RAB44: variants seen among roughly 807,000 people sequenced by gnomAD.
RAB44 encodes RAB44, member RAS oncogene family, also known as ras-related protein Rab-44.
In RAB44, 67 loss-of-function variants were observed where a neutral mutation model predicts 93.3. The ratio of observed to expected loss-of-function variants is 0.72; its 90% confidence interval spans 0.59 to 0.88. RAB44 has a LOEUF of 0.88. Among genes scored for constraint, RAB44 ranks in the 40% least tolerant of loss-of-function variants. The pLI, the probability that RAB44 is intolerant of heterozygous loss-of-function variation, is 0.00. For synonymous variants in RAB44, 427 were observed against 520.3 expected, an observed-to-expected ratio of 0.82 and a Z score of 2.44; for missense variants, 1,064 against 1,261.7, an observed-to-expected ratio of 0.84 and a Z score of 2.37.
chr6:36,704,886 G>A (rs150678565), intron 2 of RAB44, among the ~76,000 whole-genome samples: 2,484 of 152,206 alleles, frequency 0.016, 88 homozygotes, highest in African/African-American at 0.055. Flanking sequence ...TTGGGAGGCC[G>A]AGGCGGGCGG....
chr6:36,722,258 G>T lies in RAB44; in HGVS notation c.2124G>T (p.Ser708=). Residue 708 remains serine, a synonymous_variant, in exon 9 of 14, where the codon TCG becomes TCT. Transcript: ENST00000612677. ...VEAHGLETAH[S]ELPQQDSLLV... Reference sequence around the variant, plus strand: ...CTCACGGCCTAGAAACTGCGCATTCGGAACTCCCCCAGCAAGACTCTCTGC... The same window carrying T: ...CTCACGGCCTAGAAACTGCGCATTCTGAACTCCCCCAGCAAGACTCTCTGC... The T allele has an allele frequency of 1.6e-6, 2 of 1,272,432 alleles. No individual in the cohort carries two copies. The highest frequency in any genetic ancestry group is 3.3e-5 in the South Asian group (1 of 29,872). The allele number at this position is 1,272,432 out of a possible 1,614,324, so 78.8% of individuals were successfully genotyped here.
At chr6:36,714,438 A>G (rs1429259216) in intron 3 of RAB44, among the ~76,000 whole-genome samples, 1 of 152,176 alleles carries the variant, frequency 6.6e-6, no homozygotes. Context: ...AGCCCAGGCA[A>G]TGGAAGGTGT....
In RAB44 at chr6:36,717,534, G is replaced by A; in HGVS notation, c.641+115G>A. 1 of 1,134,400 alleles carries A rather than the reference G, an allele frequency of 8.8e-7. No homozygotes were observed. The highest frequency in any genetic ancestry group is 1.1e-6 in the Non-Finnish European group (1 of 900,188). 70.3% of individuals were successfully genotyped at this position (1,134,400 alleles called of 1,614,324 possible). On this transcript the variant is annotated intron_variant, in intron 5 of 13. Transcript: ENST00000612677. This position sits in a 1 kb window ranked among gnomAD's most constrained non-coding sequence, Gnocchi z 4.1. ...GCAGCTGGGCCTGTGAGCTGGATAG[G>A]GCAGAGCTGCGCTGGAGGAAGAGGT...
At chr6:36,698,066 A>G (rs868234697) in intron 1 of RAB44, among the ~76,000 whole-genome samples, 151 bp downstream of exon 1, 2 of 152,160 alleles carry the variant, frequency 1.3e-5, no homozygotes, top group Non-Finnish European at 2.9e-5. Flanking sequence ...GCATGGTCTA[A>G]GGGAGGGGAT....
At chr6:36,714,970 T>G (rs1762878515) in intron 3 of RAB44, among the ~76,000 whole-genome samples, 1 of 152,146 alleles carries the variant, frequency 6.6e-6, no homozygotes, top group Admixed American at 6.5e-5. Context: ...TGCTCCTTCT[T>G]GTAATTCACA....
intron 7 of RAB44, among the ~76,000 whole-genome samples, chr6:36,719,086 A>G (rs1432318079): frequency 6.6e-6 from 1 of 151,984 alleles, no homozygotes; most frequent in Non-Finnish European, 1.5e-5. Flanking sequence ...CGCCCAGCTA[A>G]TTTTTTGTAT....
At chr6:36,723,853 A>AAAAAAAAAAAC in intron 9 of RAB44, among the ~76,000 whole-genome samples, 1 of 150,004 alleles carries the variant, frequency 6.7e-6, no homozygotes, top group Non-Finnish European at 1.5e-5. Flanking sequence ...AAAAAAAAAA[A>AAAAAAAAAAAC]AGCAAACCCG....
chr6:36,719,777 G>A (rs1763023106), intron 7 of RAB44, among the ~76,000 whole-genome samples: 1 of 152,228 alleles, frequency 6.6e-6, no homozygotes. Flanking sequence ...AACAGCAGGT[G>A]CGAAGGCCCT....
intron 7 of RAB44, 41 bp from the exon 8 acceptor site, chr6:36,720,322 G>A: frequency 8.1e-7 from 1 of 1,231,440 alleles, no homozygotes. Context: ...GCGCCCTGGA[G>A]GGCATCTGGG....
chr6:36,723,991 C>T (rs1763167730), intron 9 of RAB44, among the ~76,000 whole-genome samples: 2 of 151,892 alleles, frequency 1.3e-5, no homozygotes, highest in Admixed American at 1.3e-4. Context: ...ACAAGAGAGG[C>T]CTGGGGCAGG....
At chr6:36,729,926 A>G (rs1271332607) in intron 12 of RAB44, among the ~76,000 whole-genome samples, 5 of 152,216 alleles carry the variant, frequency 3.3e-5, no homozygotes, top group Non-Finnish European at 7.3e-5. Flanking sequence ...ACAGGTTTAT[A>G]TGAGGGTTTT....
chr6:36,703,678 G>C (rs757778190), intron 1 of RAB44, among the ~76,000 whole-genome samples: 9 of 152,110 alleles, frequency 5.9e-5, no homozygotes, highest in Non-Finnish European at 1.3e-4. Context: ...CGAAGGACTA[G>C]AGACATGGTG....
chr6:36,720,249 G>A (rs765143767), intron 7 of RAB44, 114 bp from the exon 8 acceptor site: 1 of 889,830 alleles, frequency 1.1e-6, no homozygotes, highest in Non-Finnish European at 1.5e-6. Flanking sequence ...TTTAAGCTGG[G>A]TCTCCAGGAG....
intron 3 of RAB44, 51 bp from the exon 4 acceptor site, chr6:36,715,428 C>A: frequency 6.6e-7 from 1 of 1,510,600 alleles, no homozygotes; most frequent in Non-Finnish European, 8.9e-7. Flanking sequence ...GGAGGCCAGG[C>A]GTCTGGGCCC....
intron 3 of RAB44, among the ~76,000 whole-genome samples, chr6:36,714,643 G>A (rs1405480073): frequency 6.6e-6 from 1 of 152,244 alleles, no homozygotes; most frequent in Non-Finnish European, 1.5e-5. Context: ...TGAGAGTGGG[G>A]AGGAGAACTC....
Position 36,725,853 on chromosome 6 carries a change from G to A in RAB44, c.2600-9G>A, listed in dbSNP as rs1284458020. 6.5e-7 allele frequency: 1 copy of A among 1,548,452 alleles called. No individual in the cohort carries two copies. On this transcript the variant is annotated splice_polypyrimidine_tract_variant and intron_variant, in intron 9 of 13. Transcript: ENST00000612677. ...CTTAGTAGGCTTCACCCCTCTCTAT[G>A]TGTCCTAGGAGTAGATTTTCGGGTC... is the stretch of plus-strand genomic sequence containing the variant.
At chr6:36,718,432 T>C (rs1762982060) in intron 6 of RAB44, 61 bp from the exon 7 acceptor site, 3 of 917,334 alleles carry the variant, frequency 3.3e-6, no homozygotes, top group Non-Finnish European at 4.3e-6. Context: ...TGAGAAGGGC[T>C]GGCCTGCCTG....
chr6:36,730,880 C>G, intron 13 of RAB44, 131 bp downstream of exon 13: 1 of 425,740 alleles, frequency 2.3e-6, no homozygotes. Flanking sequence ...AGGGAAGCAC[C>G]TAGTTAAAGA....
At chr6:36,716,222 C>T (rs893212420) in intron 4 of RAB44, among the ~76,000 whole-genome samples, 2 of 151,990 alleles carry the variant, frequency 1.3e-5, no homozygotes, top group Non-Finnish European at 2.9e-5. Flanking sequence ...GTAATCCCAG[C>T]ACTTTGGGAG....
Sources: gnomAD v4.1 joint callset for allele counts (sites outside exome capture counted in the v4.1 genomes callset) on GRCh38, gnomAD v4.1.1 for gene constraint, Gnocchi (gnomAD v3.1) non-coding constraint, MANE v1.5 for transcripts, NCBI Gene and HGNC (gene_info 2026-07-23, HGNC 2026-07-21) for gene names.